CACNA2D3: variants seen among roughly 807,000 people sequenced by gnomAD.
The protein encoded by CACNA2D3 is voltage-dependent calcium channel subunit alpha-2/delta-3.
A neutral mutation model predicts 160.6 loss-of-function variants in CACNA2D3; 60 were observed. The ratio of observed to expected loss-of-function variants is 0.37; its 90% confidence interval spans 0.30 to 0.46. The LOEUF is 0.46. Among genes scored for constraint, CACNA2D3 ranks in the 20% least tolerant of loss-of-function variants. The pLI is 1.00. For missense variants in CACNA2D3, 1,205 were observed against 1,365.0 expected (o/e 0.88, Z 1.85); for synonymous variants, 558 against 492.9 (o/e 1.13, Z -1.75).
intron 2 of CACNA2D3, among the ~76,000 whole-genome samples, chr3:54,222,378 A>G (rs1387418178): frequency 6.6e-6 from 1 of 152,210 alleles, no homozygotes; most frequent in Non-Finnish European, 1.5e-5. Context: ...CAATGTCCTG[A>G]AGGCAGGAAT....
chr3:54,148,901 C>T (rs1016939523), intron 2 of CACNA2D3, among the ~76,000 whole-genome samples: 20 of 148,814 alleles, frequency 1.3e-4, no homozygotes, highest in Non-Finnish European at 1.6e-4. Context: ...CACTTGAACC[C>T]GGGAGACAGA....
chr3:54,630,269 A>C (rs149863496), intron 10 of CACNA2D3, among the ~76,000 whole-genome samples: 4 of 151,694 alleles, frequency 2.6e-5, no homozygotes, highest in African/African-American at 9.7e-5. Context: ...CCCACTACAA[A>C]TGCTTTGGTT....
intron 12 of CACNA2D3, among the ~76,000 whole-genome samples, chr3:54,762,414 A>G (rs1478777498): frequency 1.3e-5 from 2 of 152,178 alleles, no homozygotes; most frequent in Non-Finnish European, 2.9e-5. Flanking sequence ...CCCTTGCTCA[A>G]GGTAACCACA....
At chr3:54,521,948 A>G (rs1480300995) in intron 5 of CACNA2D3, among the ~76,000 whole-genome samples, 1 of 152,182 alleles carries the variant, frequency 6.6e-6, no homozygotes, top group East Asian at 1.9e-4. Flanking sequence ...ATTATTTTGT[A>G]GTAAAATTTG....
intron 5 of CACNA2D3, among the ~76,000 whole-genome samples, chr3:54,512,648 A>T (rs1701478135): frequency 1.3e-5 from 2 of 152,196 alleles, no homozygotes; most frequent in South Asian, 2.1e-4. Context: ...CAGGTGGCTC[A>T]GTCTTTGATA....
Position 54,852,717 on chromosome 3 carries a change from C to G in CACNA2D3, c.1626+6250C>G, listed in dbSNP as rs1408771588. Reference sequence around the variant, plus strand: ...ATCCATGGATTGATACATGGACATGCTAATCAGTGTAAATGTTCTCACACT... The same window carrying G: ...ATCCATGGATTGATACATGGACATGGTAATCAGTGTAAATGTTCTCACACT... On this transcript the variant is annotated intron_variant, in intron 17 of 37. Coordinates refer to ENST00000474759, the MANE Select transcript of CACNA2D3 (RefSeq NM_018398.3). Among the ~76,000 whole-genome samples, 13 of 152,292 alleles carry G rather than the reference C, an allele frequency of 8.5e-5. No individual in the cohort carries two copies. The East Asian group carries it at 2.3e-3, about 27-fold the overall frequency.
At chr3:54,816,778 T>G (rs549572204) in intron 13 of CACNA2D3, 75 bp from the exon 14 acceptor site, 482 of 1,542,798 alleles carry the variant, frequency 3.1e-4, no homozygotes, top group Non-Finnish European at 4.0e-4. Context: ...GGCAAGAAAA[T>G]GAAGCTTTAC....
At chr3:54,192,474 C>A (rs1701001398) in intron 2 of CACNA2D3, among the ~76,000 whole-genome samples, 2 of 152,070 alleles carry the variant, frequency 1.3e-5, no homozygotes, top group Non-Finnish European at 2.9e-5. Flanking sequence ...CCAAACAGAC[C>A]CTTGGGTTAT....
chr3:54,955,025 C>T (rs1236043829), intron 27 of CACNA2D3, among the ~76,000 whole-genome samples: 1 of 152,208 alleles, frequency 6.6e-6, no homozygotes, highest in Non-Finnish European at 1.5e-5. Flanking sequence ...ACTTCCCCTT[C>T]ACCCTCTGAA....
chr3:55,045,437 T>A (rs1704056068), intron 35 of CACNA2D3, among the ~76,000 whole-genome samples: 1 of 152,344 alleles, frequency 6.6e-6, no homozygotes, highest in African/African-American at 2.4e-5. Context: ...TGTTCTCTCC[T>A]CTTTTATATT....
chr3:54,935,303 A>G (rs1474023119), intron 27 of CACNA2D3, among the ~76,000 whole-genome samples: 1 of 152,158 alleles, frequency 6.6e-6, no homozygotes, highest in Non-Finnish European at 1.5e-5. Flanking sequence ...CCATTCCAAT[A>G]TCTTCCCAAT....
At chr3:54,931,246 G>A (rs1002644589) in intron 27 of CACNA2D3, among the ~76,000 whole-genome samples, 1 of 152,188 alleles carries the variant, frequency 6.6e-6, no homozygotes, top group African/African-American at 2.4e-5. Context: ...GGCAACATCT[G>A]CTTACTGCCC....
intron 27 of CACNA2D3, among the ~76,000 whole-genome samples, chr3:54,903,934 T>G (rs1342340878): frequency 2.0e-5 from 3 of 152,234 alleles, no homozygotes; most frequent in Non-Finnish European, 4.4e-5. Context: ...TTTGTTTAAG[T>G]TCCTTATAGA....
intron 10 of CACNA2D3, among the ~76,000 whole-genome samples, chr3:54,631,191 G>A (rs895338057): frequency 5.2e-5 from 7 of 135,470 alleles, no homozygotes; most frequent in Non-Finnish European, 9.2e-5. Context: ...GTGACAGAGC[G>A]AGACTCCATC....
At chr3:54,232,672 G>T (rs1701796690) in intron 2 of CACNA2D3, among the ~76,000 whole-genome samples, 1 of 152,078 alleles carries the variant, frequency 6.6e-6, no homozygotes, top group African/African-American at 2.4e-5. Flanking sequence ...TCCCTGTGTG[G>T]CTCTTTGTAA....
rs573724382 is a variant in CACNA2D3, at chr3:54,795,197, A to AT, written c.1381-21652dup. On this transcript the variant is annotated intron_variant, in intron 13 of 37. Coordinates refer to ENST00000474759, the MANE Select transcript of CACNA2D3 (RefSeq NM_018398.3). ...AGACCCATACAGTCACTTTTAAAAA[A>AT]TTTTAAGTATTGTATTTTTAAACTT... is the stretch of plus-strand genomic sequence containing the variant. 5.9e-5 allele frequency among the ~76,000 whole-genome samples: 9 copies of AT among 152,126 alleles called. No individual in the cohort carries two copies. In the South Asian group the frequency reaches 1.9e-3, roughly 31 times the overall value.
intron 2 of CACNA2D3, among the ~76,000 whole-genome samples, chr3:54,217,617 G>A (rs1701484583): frequency 6.6e-6 from 1 of 152,120 alleles, no homozygotes; most frequent in African/African-American, 2.4e-5. Context: ...CAGAGGCAGA[G>A]ATCAGAGCGA....
intron 2 of CACNA2D3, among the ~76,000 whole-genome samples, chr3:54,149,372 G>T: frequency 6.6e-6 from 1 of 152,064 alleles, no homozygotes; most frequent in East Asian, 1.9e-4. Flanking sequence ...CTTGGGCCTA[G>T]GGTTGCACAC....
At chr3:54,488,621 C>T (rs556422970) in intron 4 of CACNA2D3, among the ~76,000 whole-genome samples, 6 of 152,214 alleles carry the variant, frequency 3.9e-5, no homozygotes, top group South Asian at 2.1e-4. Flanking sequence ...CCTCAGGCCA[C>T]GGTAGGACAT....
Sources: allele counts gnomAD v4.1 joint callset (sites outside exome capture counted in the v4.1 genomes callset), GRCh38; gene constraint gnomAD v4.1.1; transcripts MANE v1.5; gene names NCBI Gene and HGNC (gene_info 2026-07-23, HGNC 2026-07-21).